Variants in EIF2B3 observed in about 807,000 individuals in gnomAD.
EIF2B3 encodes eukaryotic translation initiation factor 2B subunit gamma.
In EIF2B3, 20 loss-of-function variants were observed where a neutral mutation model predicts 54.1. The observed-to-expected ratio is 0.37, with a 90% CI of 0.26 to 0.54. EIF2B3 has a LOEUF of 0.54. Ranked by LOEUF, EIF2B3 falls within the 20% of genes least tolerant of loss-of-function variation. The pLI, the probability that EIF2B3 is intolerant of heterozygous loss-of-function variation, is 0.86. For missense variants in EIF2B3, 448 were observed against 547.8 expected, an observed-to-expected ratio of 0.82 and a Z score of 1.82; for synonymous variants, 153 against 188.1, an observed-to-expected ratio of 0.81 and a Z score of 1.52.
intron 10 of EIF2B3, among the ~76,000 whole-genome samples, chr1:44,865,249 T>G (rs1654732871): frequency 6.6e-6 from 1 of 151,772 alleles, no homozygotes; most frequent in Non-Finnish European, 1.5e-5. Flanking sequence ...GAAGCCAGCC[T>G]GATTTTCTCC....
chr1:44,857,446 G>A (rs572510368), intron 11 of EIF2B3, among the ~76,000 whole-genome samples: 144 of 151,970 alleles, frequency 9.5e-4, no homozygotes, highest in African/African-American at 3.3e-3. Context: ...CAGAAGAATC[G>A]CTTGAACCCG....
chr1:44,964,997 A>G (rs892688896), intron 3 of EIF2B3, among the ~76,000 whole-genome samples: 2 of 152,212 alleles, frequency 1.3e-5, no homozygotes, highest in African/African-American at 4.8e-5. Flanking sequence ...TTAGAGCAAC[A>G]GCTCTAATAT....
chr1:44,976,735 G>A (rs1419103282), intron 3 of EIF2B3, among the ~76,000 whole-genome samples: 2 of 152,156 alleles, frequency 1.3e-5, no homozygotes, highest in African/African-American at 4.8e-5. Flanking sequence ...GAACAGATTA[G>A]TTATACTTTC....
intron 5 of EIF2B3, among the ~76,000 whole-genome samples, chr1:44,902,317 T>A (rs1157605999): frequency 1.3e-5 from 2 of 152,140 alleles, no homozygotes. Flanking sequence ...ACTTTTAAGA[T>A]CAACTTGTCA....
chr1:44,972,621 A>ACAC (rs1557711832), intron 3 of EIF2B3: 1 of 81,848 alleles, frequency 1.2e-5, no homozygotes, highest in South Asian at 3.9e-4. Flanking sequence ...ATAATAAATA[A>ACAC]ATACACACAC....
chr1:44,962,193 AATCATCATCAAC>A (rs954821201), intron 3 of EIF2B3, among the ~76,000 whole-genome samples: 3 of 114,336 alleles, frequency 2.6e-5, no homozygotes, highest in African/African-American at 1.0e-4. Flanking sequence ...ACTCCGTCTC[AATCATCATCAAC>A]ATCATCATCA....
At chr1:44,873,258 C>A (rs996005852) in intron 10 of EIF2B3, among the ~76,000 whole-genome samples, 1 of 152,140 alleles carries the variant, frequency 6.6e-6, no homozygotes, top group Non-Finnish European at 1.5e-5. Flanking sequence ...TCCCCTGCAA[C>A]CCCTATTCCT....
chr1:44,926,883 C>T (rs1293851542), intron 4 of EIF2B3, 144 bp from the exon 5 acceptor site: 2 of 763,398 alleles, frequency 2.6e-6, no homozygotes, highest in East Asian at 2.8e-5. Context: ...GCCTGTAATC[C>T]CAAGACTTTG....
chr1:44,910,567 T>C (rs1242836735), intron 5 of EIF2B3, among the ~76,000 whole-genome samples: 1 of 151,176 alleles, frequency 6.6e-6, no homozygotes, highest in Non-Finnish European at 1.5e-5. Context: ...CACCTGACCA[T>C]ATTCTAACAG....
intron 5 of EIF2B3, among the ~76,000 whole-genome samples, chr1:44,913,106 T>TAAAA (rs1643547405): frequency 3.2e-5 from 4 of 126,604 alleles, no homozygotes; most frequent in Non-Finnish European, 6.3e-5. Context: ...TTGCGGTTTT[T>TAAAA]GTTAAAAAAA....
At chr1:44,869,089 T>C (rs2148898501) in intron 10 of EIF2B3, among the ~76,000 whole-genome samples, 1 of 152,308 alleles carries the variant, frequency 6.6e-6, no homozygotes, top group Non-Finnish European at 1.5e-5. Flanking sequence ...AGAAAGACAA[T>C]GTTGGCAACA....
intron 10 of EIF2B3, among the ~76,000 whole-genome samples, chr1:44,871,063 G>A (rs948124830): frequency 1.3e-5 from 2 of 152,160 alleles, no homozygotes; most frequent in Non-Finnish European, 1.5e-5. Flanking sequence ...CATTCAACTT[G>A]TCCCAGATGG....
intron 6 of EIF2B3, among the ~76,000 whole-genome samples, chr1:44,897,042 T>C (rs1655994679): frequency 6.6e-6 from 1 of 152,188 alleles, no homozygotes; most frequent in African/African-American, 2.4e-5. Context: ...AGCTCACTCC[T>C]GTCAAAGGAG....
intron 3 of EIF2B3, among the ~76,000 whole-genome samples, chr1:44,956,682 TATG>T: frequency 6.6e-6 from 1 of 152,284 alleles, no homozygotes; most frequent in South Asian, 2.1e-4. Context: ...GAATTTAGTA[TATG>T]ATAATCGTGA....
intron 8 of EIF2B3, among the ~76,000 whole-genome samples, chr1:44,877,192 TA>T (rs768263508): frequency 0.02 from 1,057 of 51,952 alleles, 9 homozygotes; most frequent in African/African-American, 0.072. Context: ...GAATGATCAA[TA>T]AAAAAAAAAA....
intron 5 of EIF2B3, among the ~76,000 whole-genome samples, chr1:44,917,246 C>A (rs1643640886): frequency 6.6e-6 from 1 of 152,138 alleles, no homozygotes; most frequent in Non-Finnish European, 1.5e-5. Flanking sequence ...GTAATCCCAG[C>A]ACTTTGTGAG....
At chr1:44,858,033 G>T (rs1654491200) in intron 10 of EIF2B3, among the ~76,000 whole-genome samples, 2 of 151,264 alleles carry the variant, frequency 1.3e-5, no homozygotes, top group African/African-American at 2.4e-5. Context: ...CTTTCTCTAA[G>T]GCCTGAAAAG....
At chr1:44,859,503 T>C (rs1344509072) in intron 10 of EIF2B3, among the ~76,000 whole-genome samples, 1 of 151,602 alleles carries the variant, frequency 6.6e-6, no homozygotes, top group Admixed American at 6.6e-5. Context: ...ATTAAAAATA[T>C]AAAAATTAGC....
intron 4 of EIF2B3, among the ~76,000 whole-genome samples, chr1:44,927,546 G>A (rs1047274233): frequency 2.4e-4 from 37 of 152,094 alleles, no homozygotes; most frequent in African/African-American, 8.5e-4. Context: ...GAGATTTGGG[G>A]GAACATCCAA....
Sources: gnomAD v4.1 joint callset for allele counts (sites outside exome capture counted in the v4.1 genomes callset) on GRCh38, gnomAD v4.1.1 for gene constraint, MANE v1.5 for transcripts, NCBI Gene and HGNC (gene_info 2026-07-23, HGNC 2026-07-21) for gene names.